The following KIRREL3 variants were observed in gnomAD, a reference collection of about 807,000 sequenced individuals.
The protein encoded by KIRREL3 is kin of IRRE-like protein 3.
In KIRREL3, 36 loss-of-function variants were observed where a neutral mutation model predicts 89.7. The ratio of observed to expected loss-of-function variants is 0.40; its 90% CI spans 0.31 to 0.53. The LOEUF (loss-of-function observed/expected upper bound fraction) is 0.53, where lower values mean the gene tolerates loss of function less well. KIRREL3 is among the 20% of genes least tolerant of loss of function. The pLI is 0.49. For synonymous variants in KIRREL3, 445 were observed against 441.4 expected (o/e 1.01, Z -0.10); for missense variants, 864 against 1,056.6 (o/e 0.82, Z 2.53).
chr11:126,438,340 T>G (rs902308544), intron 11 of KIRREL3, among the ~76,000 whole-genome samples: 1 of 152,252 alleles, frequency 6.6e-6, no homozygotes, highest in Admixed American at 6.5e-5. Context: ...CACCTCATCG[T>G]GTAAGCGCCT....
In KIRREL3 at chr11:126,518,341, T is replaced by A. The variant is rs373626221; in HGVS notation, c.433+2974A>T. On this transcript the variant is annotated intron_variant, in intron 4 of 16. Transcript: ENST00000525144. ...CAGATGCATATTTTAACAATGCACATCTGTTGGCTATATAATCTCTCGTAT... is the reference window on the plus strand; with the variant it reads ...CAGATGCATATTTTAACAATGCACAACTGTTGGCTATATAATCTCTCGTAT... Among the ~76,000 whole-genome samples the A allele has an allele frequency of 2.4e-4, 36 of 152,304 alleles. No individual in the cohort carries two copies. The East Asian group carries it at 5.0e-3, about 21-fold the overall frequency.
At position 126,908,813 on chromosome 11, in the gene KIRREL3, C is replaced by T. The variant is rs941136543; in HGVS notation, c.55+91642G>A. Among the ~76,000 whole-genome samples, 5 of 152,072 alleles carry T rather than the reference C, an allele frequency of 3.3e-5. No homozygotes were observed. Among genetic ancestry groups the T allele is most frequent in the Admixed American group, 2.0e-4 (3 of 15,270 alleles). On this transcript the variant is annotated intron_variant, in intron 1 of 16. Coordinates refer to ENST00000525144, the MANE Select transcript of KIRREL3 (RefSeq NM_032531.4). This position sits in a 1 kb window ranked among gnomAD's most constrained non-coding sequence, Gnocchi z 4.2. ...CAGGCAAATATATGCAGTCATCCCT[C>T]GTTATTCAAGGAGGATTGGTTCCTG...
At chr11:126,554,937 G>A (rs745628293) in intron 2 of KIRREL3, among the ~76,000 whole-genome samples, 1 of 152,160 alleles carries the variant, frequency 6.6e-6, no homozygotes, top group African/African-American at 2.4e-5. Flanking sequence ...GGAGACTATG[G>A]ATAGACGAGG....
rs1285144895 is a variant in KIRREL3 at position 126,708,778 on chromosome 11, C to G, written c.56-145866G>C. On this transcript the variant is annotated intron_variant, in intron 1 of 16. Transcript: ENST00000525144. The surrounding 1 kb of genome is among the most constrained non-coding windows in gnomAD (Gnocchi z 5.7). ...GAGTTCACTAGCTTTCCTCCCTCCG[C>G]TCTCCAGCTCCCGTTCCTACCAAAT... 6.6e-6 allele frequency among the ~76,000 whole-genome samples: 1 copy of G among 152,188 alleles called. No individual in the cohort carries two copies. The highest frequency in any genetic ancestry group is 1.5e-5 in the Non-Finnish European group (1 of 68,038).
intron 1 of KIRREL3, among the ~76,000 whole-genome samples, chr11:126,792,874 C>CA (rs549142767): frequency 7.0e-4 from 107 of 152,118 alleles, no homozygotes; most frequent in Admixed American, 2.2e-3. Context: ...ATAACAACAG[C>CA]AAAAAACTAA....
In KIRREL3 at chr11:126,707,623, G is replaced by A. The variant is rs140199213; in HGVS notation, c.56-144711C>T. Among the ~76,000 whole-genome samples the A allele has an allele frequency of 3.3e-3, 504 of 152,290 alleles. 1 individual carries two copies. Among genetic ancestry groups the A allele is most frequent in the African/African-American group, 0.011 (458 of 41,574 alleles). On this transcript the variant is annotated intron_variant, in intron 1 of 16. Coordinates refer to ENST00000525144, the MANE Select transcript of KIRREL3 (RefSeq NM_032531.4). Reference sequence around the variant, plus strand: ...ATTTCCTCTGAGTCTGCTGTTCGCTGTTGGAGCCAGGGGCTAAAGTACTCA... The same window carrying A: ...ATTTCCTCTGAGTCTGCTGTTCGCTATTGGAGCCAGGGGCTAAAGTACTCA...
At chr11:126,585,402 T>C (rs1398060586) in intron 1 of KIRREL3, among the ~76,000 whole-genome samples, 1 of 151,492 alleles carries the variant, frequency 6.6e-6, no homozygotes, top group Non-Finnish European at 1.5e-5. Flanking sequence ...CCCGGCTACA[T>C]TTTGTATTTT....
intron 1 of KIRREL3, among the ~76,000 whole-genome samples, chr11:126,717,099 A>T (rs1014409988): frequency 6.6e-6 from 1 of 152,144 alleles, no homozygotes; most frequent in Admixed American, 6.5e-5. Context: ...TCACTTTAAA[A>T]CAAAGAACGC....
intron 1 of KIRREL3, among the ~76,000 whole-genome samples, chr11:126,863,422 CAT>C (rs139876074): frequency 0.7 from 82,446 of 117,722 alleles, 25,537 homozygotes; most frequent in African/African-American, 0.8. Context: ...TGTGTGAGCG[CAT>C]GTGTGTGAGT....
In KIRREL3 at chr11:126,587,319, C is replaced by T. The variant is rs780723500; in HGVS notation, c.56-24407G>A. Among the ~76,000 whole-genome samples the T allele has an allele frequency of 1.1e-4, 17 of 152,146 alleles. No individual in the cohort carries two copies. Among genetic ancestry groups the T allele is most frequent in the Non-Finnish European group, 1.9e-4 (13 of 68,028 alleles). On this transcript the variant is annotated intron_variant, in intron 1 of 16. Coordinates refer to ENST00000525144, the MANE Select transcript of KIRREL3 (RefSeq NM_032531.4). This position sits in a 1 kb window ranked among gnomAD's most constrained non-coding sequence, Gnocchi z 5.2. ...GGGAGGTCAGAAAGAACACACTCTG[C>T]TCCGGTGATGGCATGTTTGGTCTGG...
chr11:126,700,018 A>AC (rs1947250274), intron 1 of KIRREL3, among the ~76,000 whole-genome samples: 1 of 152,068 alleles, frequency 6.6e-6, no homozygotes, highest in South Asian at 2.1e-4. Context: ...ACAAAGTGAG[A>AC]CCCCATCTTT....
Position 126,498,311 on chromosome 11 carries a change from C to T in KIRREL3, c.433+23004G>A, listed in dbSNP as rs1232302505. Among the ~76,000 whole-genome samples, 1 of 152,034 alleles carries T rather than the reference C, an allele frequency of 6.6e-6. No individual in the cohort carries two copies. Among genetic ancestry groups the T allele is most frequent in the South Asian group, 2.1e-4 (1 of 4,810 alleles). ...CGCCCATTTTCTCACTCCAAGTTTC[C>T]CCCTCATTAATTTTAATCTAATTTG... On this transcript the variant is annotated intron_variant, in intron 4 of 16. Coordinates refer to ENST00000525144, the MANE Select transcript of KIRREL3 (RefSeq NM_032531.4). The surrounding 1 kb of genome is among the most constrained non-coding windows in gnomAD (Gnocchi z 4.3).
intron 1 of KIRREL3, among the ~76,000 whole-genome samples, chr11:126,820,712 G>A (rs746648945): frequency 2.6e-5 from 4 of 152,006 alleles, no homozygotes; most frequent in Non-Finnish European, 5.9e-5. Context: ...GAGTCTCAGC[G>A]GGCACAGCAG....
intron 1 of KIRREL3, among the ~76,000 whole-genome samples, chr11:126,840,936 A>C (rs932100443): frequency 9.2e-5 from 14 of 152,262 alleles, no homozygotes; most frequent in African/African-American, 3.1e-4. Context: ...TTCTCAAATG[A>C]GGAAGGAAAA....
At position 126,771,227 on chromosome 11, in the gene KIRREL3, G is replaced by T. The variant is rs1242488827; in HGVS notation, c.56-208315C>A. Among the ~76,000 whole-genome samples the T allele has an allele frequency of 1.3e-5, 2 of 151,598 alleles. No individual in the cohort carries two copies. Among genetic ancestry groups the T allele is most frequent in the Non-Finnish European group, 2.9e-5 (2 of 67,966 alleles). The stretch of plus-strand genomic sequence containing the variant: ...TCTCAGTGCGTCCCTAAATAGCCTG[G>T]CAAGGAAGGGAATTTTATTCCCTTA... On this transcript the variant is annotated intron_variant, in intron 1 of 16. Coordinates refer to ENST00000525144, the MANE Select transcript of KIRREL3 (RefSeq NM_032531.4). The surrounding 1 kb of genome is among the most constrained non-coding windows in gnomAD (Gnocchi z 4.4).
chr11:126,931,239 T>C lies in KIRREL3; in HGVS notation c.55+69216A>G, dbSNP rs1592393505. 6.6e-6 allele frequency among the ~76,000 whole-genome samples: 1 copy of C among 152,322 alleles called. No homozygotes were observed. Among genetic ancestry groups the C allele is most frequent in the South Asian group, 2.1e-4 (1 of 4,822 alleles). On this transcript the variant is annotated intron_variant, in intron 1 of 16. Coordinates refer to ENST00000525144, the MANE Select transcript of KIRREL3 (RefSeq NM_032531.4). This position sits in a 1 kb window ranked among gnomAD's most constrained non-coding sequence, Gnocchi z 5.1. ...TGTTGTTTCTTGGACACTGTTGTTA[T>C]CTCCAGAACCTATCGCAGTGTCTGG... is the stretch of plus-strand genomic sequence containing the variant.
intron 1 of KIRREL3, among the ~76,000 whole-genome samples, chr11:126,836,562 T>C (rs562476514): frequency 3.9e-5 from 6 of 152,342 alleles, no homozygotes; most frequent in African/African-American, 1.4e-4. Flanking sequence ...GAGGATAAAG[T>C]TCTTTTTCTT....
intron 1 of KIRREL3, among the ~76,000 whole-genome samples, chr11:126,662,906 CTTT>C (rs756193928): frequency 2.2e-5 from 2 of 91,898 alleles, no homozygotes; most frequent in Non-Finnish European, 4.2e-5. Context: ...AAAGTCCTTT[CTTT>C]TTTTTTTTTT....
rs1410875967 is a variant in KIRREL3, at chr11:126,695,071, G to A, written c.56-132159C>T. On this transcript the variant is annotated intron_variant, in intron 1 of 16. Transcript: ENST00000525144. ...CCATCCCTCACCCCCTTCTGTCTGC[G>A]AGCCATCTATGACAGCTTTCCTGCT... Among the ~76,000 whole-genome samples, 5 of 152,264 alleles carry A rather than the reference G, an allele frequency of 3.3e-5. No individual in the cohort carries two copies. The East Asian group carries it at 5.8e-4, about 18-fold the overall frequency.
Sources: gnomAD v4.1 joint callset for allele counts (sites outside exome capture counted in the v4.1 genomes callset) on GRCh38, gnomAD v4.1.1 for gene constraint, Gnocchi (gnomAD v3.1) non-coding constraint, MANE v1.5 for transcripts, NCBI Gene and HGNC (gene_info 2026-07-23, HGNC 2026-07-21) for gene names.